The following AGBL1 variants were observed in gnomAD, a reference collection of about 807,000 sequenced individuals.
AGBL1 encodes AGBL carboxypeptidase 1.
In AGBL1, 130 loss-of-function variants were observed where a neutral mutation model predicts 118.9. The ratio of observed to expected loss-of-function variants is 1.09; its 90% CI spans 0.95 to 1.26. The LOEUF (loss-of-function observed/expected upper bound fraction) is 1.26. Ranked by LOEUF, AGBL1 falls within the 50% of genes most tolerant of loss-of-function variation. The probability of loss-of-function intolerance (pLI) is 0.00; values close to 1 mark genes in which losing one functional copy is unlikely to be tolerated. For synonymous variants in AGBL1, 555 were observed against 478.9 expected (o/e 1.16, Z -2.08); for missense variants, 1,584 against 1,298.1 (o/e 1.22, Z -3.38).
At chr15:86,951,453 A>G (rs2080879834) in intron 23 of AGBL1, among the ~76,000 whole-genome samples, 1 of 152,264 alleles carries the variant, frequency 6.6e-6, no homozygotes, top group Non-Finnish European at 1.5e-5. Flanking sequence ...AAAAATATGT[A>G]AAGACATTTT....
intron 18 of AGBL1, among the ~76,000 whole-genome samples, chr15:86,516,633 C>G (rs1044990931): frequency 6.6e-6 from 1 of 152,032 alleles, no homozygotes; most frequent in Non-Finnish European, 1.5e-5. Flanking sequence ...AACCCTGTCT[C>G]TACTAAAAAT....
intron 24 of AGBL1, among the ~76,000 whole-genome samples, chr15:87,000,441 CA>C (rs1390274262): frequency 8.2e-6 from 1 of 122,044 alleles, no homozygotes; most frequent in East Asian, 2.2e-4. Flanking sequence ...CAGCTTTCTA[CA>C]TATGGCTAGC....
intron 18 of AGBL1, among the ~76,000 whole-genome samples, chr15:86,475,757 C>G (rs2082549520): frequency 6.6e-6 from 1 of 152,056 alleles, no homozygotes; most frequent in Non-Finnish European, 1.5e-5. Context: ...AGAGCAACTT[C>G]AAGACACATA....
intron 18 of AGBL1, among the ~76,000 whole-genome samples, chr15:86,476,181 A>C (rs1372738410): frequency 1.3e-5 from 2 of 152,228 alleles, no homozygotes; most frequent in Non-Finnish European, 2.9e-5. Flanking sequence ...ACTAATGAGC[A>C]AAATAACCAG....
intron 24 of AGBL1, among the ~76,000 whole-genome samples, chr15:87,007,009 A>G (rs1163341821): frequency 6.6e-6 from 1 of 152,198 alleles, no homozygotes. Flanking sequence ...AAACTAAGTC[A>G]TGCTCTATCT....
chr15:86,851,868 G>A (rs2079411500), intron 22 of AGBL1, among the ~76,000 whole-genome samples: 1 of 152,166 alleles, frequency 6.6e-6, no homozygotes, highest in South Asian at 2.1e-4. Flanking sequence ...GAAAGAGGGA[G>A]GTAGTGGGAA....
intron 22 of AGBL1, among the ~76,000 whole-genome samples, chr15:86,692,611 T>C (rs1033283024): frequency 1.3e-5 from 2 of 152,042 alleles, no homozygotes; most frequent in African/African-American, 2.4e-5. Context: ...TCTTTCAAAT[T>C]TTTTTTTATT....
rs559006690 is a variant in AGBL1 at position 87,024,483 on chromosome 15, C to T, written c.3324-4342C>T. Among the ~76,000 whole-genome samples the T allele has an allele frequency of 1.4e-4, 22 of 151,860 alleles. No homozygotes were observed. The South Asian group carries it at 1.5e-3, about 10-fold the overall frequency. ...ACAAGCAGCAAGATTGAAATGGTAACGTAAAAATTACCAATGAAACAAGTT... is the reference window on the plus strand; with the variant it reads ...ACAAGCAGCAAGATTGAAATGGTAATGTAAAAATTACCAATGAAACAAGTT... On this transcript the variant is annotated intron_variant, in intron 24 of 24. Coordinates refer to the AGBL1 transcript ENST00000441037.
intron 18 of AGBL1, among the ~76,000 whole-genome samples, chr15:86,474,882 A>G (rs1271504872): frequency 2.6e-5 from 4 of 152,244 alleles, no homozygotes; most frequent in Non-Finnish European, 5.9e-5. Flanking sequence ...CGAAGCTTTC[A>G]GAGGAATGAT....
intron 1 of AGBL1, among the ~76,000 whole-genome samples, chr15:86,081,408 G>C (rs957677176): frequency 6.6e-6 from 1 of 152,194 alleles, no homozygotes; most frequent in African/African-American, 2.4e-5. Flanking sequence ...GCAACCTTCA[G>C]GTGTGCAGAT....
intron 22 of AGBL1, among the ~76,000 whole-genome samples, chr15:86,763,617 A>G (rs2078057568): frequency 6.6e-6 from 1 of 151,924 alleles, no homozygotes; most frequent in Non-Finnish European, 1.5e-5. Context: ...AAGGAGTTGA[A>G]TGCCTAACAC....
intron 21 of AGBL1, among the ~76,000 whole-genome samples, chr15:86,573,862 A>G (rs944310673): frequency 6.6e-5 from 10 of 152,176 alleles, no homozygotes; most frequent in Admixed American, 2.0e-4. Context: ...GGCCCATCTT[A>G]ATTATTTTGT....
chr15:86,605,968 A>G (rs1191588493), intron 21 of AGBL1, among the ~76,000 whole-genome samples: 1 of 151,922 alleles, frequency 6.6e-6, no homozygotes. Context: ...CTCTACTAAA[A>G]ATACAAAAAT....
intron 21 of AGBL1, among the ~76,000 whole-genome samples, chr15:86,598,654 G>C (rs529057745): frequency 6.6e-6 from 1 of 152,050 alleles, no homozygotes; most frequent in African/African-American, 2.4e-5. Flanking sequence ...TTTTACTTCT[G>C]TATGTATGCT....
Position 86,832,151 on chromosome 15 carries a change from A to G in AGBL1, c.3159-74936A>G, listed in dbSNP as rs111375995. Among the ~76,000 whole-genome samples the G allele has an allele frequency of 8.1e-3, 1,234 of 152,250 alleles. 20 individuals carry two copies. The highest frequency in any genetic ancestry group is 0.028 in the African/African-American group (1,180 of 41,546). On this transcript the variant is annotated intron_variant, in intron 22 of 22. Transcript: ENST00000614907. ...CAGGGCACTGGGCCAGGCCCATGAA[A>G]CCATATTTTCCTCCTAGGCCCCCAG...
chr15:86,509,868 A>G (rs1046176603), intron 18 of AGBL1, among the ~76,000 whole-genome samples: 5 of 152,032 alleles, frequency 3.3e-5, no homozygotes, highest in Non-Finnish European at 7.4e-5. Flanking sequence ...CAAACAAAAC[A>G]ACATCTCTGA....
At chr15:86,389,704 A>G (rs2081248682) in intron 17 of AGBL1, among the ~76,000 whole-genome samples, 1 of 152,184 alleles carries the variant, frequency 6.6e-6, no homozygotes, top group African/African-American at 2.4e-5. Flanking sequence ...ATAGTAGATT[A>G]TATTATACTA....
chr15:86,974,604 T>C (rs2081153757), intron 23 of AGBL1, among the ~76,000 whole-genome samples: 1 of 141,122 alleles, frequency 7.1e-6, no homozygotes, highest in South Asian at 2.1e-4. Flanking sequence ...TATAATTATA[T>C]AATATAAATT....
chr15:86,216,729 A>G (rs2078196180), intron 5 of AGBL1, among the ~76,000 whole-genome samples: 1 of 152,176 alleles, frequency 6.6e-6, no homozygotes, highest in Non-Finnish European at 1.5e-5. Context: ...AAAAAAATGT[A>G]GAGTTGTCAG....
Sources: gnomAD v4.1 joint callset for allele counts (sites outside exome capture counted in the v4.1 genomes callset) on GRCh38, gnomAD v4.1.1 for gene constraint, MANE v1.5 for transcripts, NCBI Gene and HGNC (gene_info 2026-07-23, HGNC 2026-07-21) for gene names.